The following STIL variants were observed in gnomAD, a reference collection of about 807,000 sequenced individuals.
STIL encodes SCL-interrupting locus protein.
STIL carries 55 observed loss-of-function variants against 110.1 expected under a neutral mutation model. The ratio of observed to expected loss-of-function variants is 0.50; its 90% CI spans 0.40 to 0.63. STIL has a LOEUF of 0.63. Among genes scored for constraint, STIL ranks in the 20% least tolerant of loss-of-function variants. STIL has a pLI of 0.00. For missense variants in STIL, 1,358 were observed against 1,530.0 expected, an observed-to-expected ratio of 0.89 and a Z score of 1.87; for synonymous variants, 481 against 530.0, an observed-to-expected ratio of 0.91 and a Z score of 1.27.
chr1:47,288,668 A>G (rs1468876889), intron 9 of STIL, among the ~76,000 whole-genome samples: 1 of 152,036 alleles, frequency 6.6e-6, no homozygotes, highest in Non-Finnish European at 1.5e-5. Flanking sequence ...TATAGTAACA[A>G]TCTATTCTGA....
Position 47,302,254 on chromosome 1 carries a change from C to A in STIL, c.245G>T (p.Gly82Val). ...NKKNSSCFLL[G>V]SLTADEDEEG... ...ATTACCTTCGTCTGCTGTCAGAGAA[C>A]CAAGTAAAAAGCATGACGAATTTTT... The change falls in exon 4 of 17, where the codon GGT becomes GTT. Residue 82 changes from glycine to valine, a missense_variant. By Grantham distance (109) the Gly-to-Val change is moderately radical. Coordinates refer to ENST00000371877, the MANE Select transcript of STIL (RefSeq NM_001048166.1). 1 of 1,613,726 alleles carries A rather than the reference C, an allele frequency of 6.2e-7. No individual in the cohort carries two copies.
intron 1 of STIL, 113 bp from the exon 2 acceptor site, chr1:47,310,475 C>T: frequency 6.4e-6 from 4 of 629,398 alleles, no homozygotes; most frequent in Non-Finnish European, 1.1e-5. Context: ...TGAAGTGTGA[C>T]TATAGATTAA....
chr1:47,279,953 CAG>C (rs1645110479), intron 12 of STIL, among the ~76,000 whole-genome samples: 3 of 152,214 alleles, frequency 2.0e-5, no homozygotes. Flanking sequence ...TTAATTATAA[CAG>C]ACTTTTCATT....
chr1:47,289,677 A>G, intron 8 of STIL, 92 bp from the exon 9 acceptor site: 1 of 1,281,232 alleles, frequency 7.8e-7, no homozygotes, highest in African/African-American at 1.5e-5. Context: ...CTAGTTAACA[A>G]AATGACTAAA....
intron 2 of STIL, among the ~76,000 whole-genome samples, chr1:47,305,486 T>C (rs1645931162): frequency 1.3e-5 from 2 of 152,182 alleles, no homozygotes; most frequent in Admixed American, 6.5e-5. Context: ...TGGAGTACTG[T>C]GGTGCAATCT....
intron 6 of STIL, 80 bp downstream of exon 6, chr1:47,299,825 G>T: frequency 6.9e-7 from 1 of 1,445,500 alleles, no homozygotes; most frequent in Non-Finnish European, 9.6e-7. Context: ...AAATTGACTG[G>T]ACAATTCTTT....
At chr1:47,274,538 C>T (rs996480717) in intron 12 of STIL, among the ~76,000 whole-genome samples, 2 of 145,514 alleles carry the variant, frequency 1.4e-5, no homozygotes, top group Non-Finnish European at 3.0e-5. Context: ...AGGATGGTCT[C>T]GATCTCTTGA....
At chr1:47,251,983 A>G in intron 16 of STIL, 61 bp from the exon 17 acceptor site, 2 of 1,531,346 alleles carry the variant, frequency 1.3e-6, no homozygotes, top group Non-Finnish European at 1.8e-6. Context: ...ATAGTTCTCA[A>G]TGTGTTCCAT....
Position 47,302,237 on chromosome 1 carries a change from C to T in STIL, c.262G>A (p.Glu88Lys), listed in dbSNP as rs751248289. 1.2e-5 allele frequency: 19 copies of T among 1,608,922 alleles called. No individual in the cohort carries two copies. In the East Asian group the frequency reaches 3.3e-4, roughly 28 times the overall value. The change falls in exon 4 of 17, where the codon GAA becomes AAA. Residue 88 changes from glutamate to lysine, a missense_variant. Physicochemically the swap from Glu to Lys is moderately conservative, Grantham distance 56. Coordinates refer to ENST00000371877, the MANE Select transcript of STIL (RefSeq NM_001048166.1). ...CFLLGSLTAD[E>K]DEEGVTLTVD... ...TCCATTTTTAAAAGTGTATTACCTTCGTCTGCTGTCAGAGAACCAAGTAAA... is the reference window on the plus strand; with the variant it reads ...TCCATTTTTAAAAGTGTATTACCTTTGTCTGCTGTCAGAGAACCAAGTAAA...
At chr1:47,265,896 C>T (rs1644641076) in intron 14 of STIL, among the ~76,000 whole-genome samples, 1 of 152,064 alleles carries the variant, frequency 6.6e-6, no homozygotes, top group African/African-American at 2.4e-5. Context: ...CAGCAATCCT[C>T]CCACCTTAGC....
At chr1:47,298,201 T>C (rs1645697138) in intron 6 of STIL, among the ~76,000 whole-genome samples, 1 of 152,176 alleles carries the variant, frequency 6.6e-6, no homozygotes. Context: ...TTAGATTGAA[T>C]GGCCTAACAG....
intron 3 of STIL, among the ~76,000 whole-genome samples, chr1:47,303,971 CTG>C (rs1295358570): frequency 6.6e-6 from 1 of 152,110 alleles, no homozygotes; most frequent in African/African-American, 2.4e-5. Flanking sequence ...ATTCCAGGCA[CTG>C]TGACAATTGC....
intron 6 of STIL, chr1:47,299,702 A>AT: frequency 1.7e-6 from 1 of 572,520 alleles, no homozygotes; most frequent in Non-Finnish European, 2.9e-6. Context: ...CCTACCACCA[A>AT]TTTTTTGTAG....
Position 47,280,344 on chromosome 1 carries a change from T to G in STIL, c.2114A>C (p.His705Pro), listed in dbSNP as rs1192997548. ...ATTATCTGACTCAGTCTTGGGTGTG[T>G]GCATGCACACTGTGCAAGGCTGTGG... ...CNPQPCTVCM[H>P]TPKTESDNGM... Residue 705 changes from histidine (H) to proline (P), a missense_variant, in exon 12 of 17, where the codon CAC (histidine) becomes CCC (proline). Transcript: ENST00000371877. The G allele has an allele frequency of 1.2e-6, 2 of 1,614,110 alleles. No homozygotes were observed. Among genetic ancestry groups the G allele is most frequent in the East Asian group, 2.2e-5 (1 of 44,894 alleles).
At chr1:47,302,186 G>T in intron 4 of STIL, 48 bp downstream of exon 4, 2 of 1,390,512 alleles carry the variant, frequency 1.4e-6, no homozygotes, top group Non-Finnish European at 2.0e-6. Context: ...CTCCCAACGT[G>T]CTGGGATTAC....
At chr1:47,287,422 A>G in intron 10 of STIL, 129 bp downstream of exon 10, 1 of 640,012 alleles carries the variant, frequency 1.6e-6, no homozygotes, top group South Asian at 2.1e-5. Flanking sequence ...CATTTAAAAC[A>G]AAGACATTTA....
chr1:47,288,727 TTTC>T (rs1040567588), intron 9 of STIL, among the ~76,000 whole-genome samples: 2 of 151,750 alleles, frequency 1.3e-5, no homozygotes, highest in Non-Finnish European at 2.9e-5. Context: ...TAAAAAACCA[TTTC>T]TTATTCCCAC....
At chr1:47,255,924 G>A (rs974005321) in intron 16 of STIL, among the ~76,000 whole-genome samples, 7 of 152,176 alleles carry the variant, frequency 4.6e-5, no homozygotes, top group Non-Finnish European at 8.8e-5. Context: ...GCGGAATGAT[G>A]TGCTCCTGGA....
chr1:47,292,675 T>C (rs886511647), intron 8 of STIL, among the ~76,000 whole-genome samples: 8 of 152,226 alleles, frequency 5.3e-5, no homozygotes, highest in African/African-American at 1.7e-4. Flanking sequence ...GTGATACTTG[T>C]CTATGTTGAG....
Sources: gnomAD v4.1 joint callset for allele counts (sites outside exome capture counted in the v4.1 genomes callset) on GRCh38, gnomAD v4.1.1 for gene constraint, MANE v1.5 for transcripts, NCBI Gene and HGNC (gene_info 2026-07-23, HGNC 2026-07-21) for gene names.